The following MRPL37 variants were observed in gnomAD, a reference collection of about 807,000 sequenced individuals.
The protein encoded by MRPL37 is mitochondrial ribosomal protein L37, also known as large ribosomal subunit protein mL37.
MRPL37 carries 34 observed loss-of-function variants against 44.1 expected under a neutral mutation model. The observed-to-expected ratio is 0.77, with a 90% CI of 0.59 to 1.03. The LOEUF (loss-of-function observed/expected upper bound fraction) is 1.03, where lower values mean the gene tolerates loss of function less well. MRPL37 is among the 50% of genes least tolerant of loss of function. The pLI is 0.00. For missense variants in MRPL37, 532 were observed against 543.7 expected (o/e 0.98, Z 0.21); for synonymous variants, 212 against 219.5 (o/e 0.97, Z 0.30).
Position 54,200,589 on chromosome 1 carries a change from G to A in MRPL37, c.346G>A (p.Gly116Ser), listed in dbSNP as rs775237303. 1.3e-6 allele frequency: 2 copies of A among 1,590,638 alleles called. No homozygotes were observed. Among genetic ancestry groups the A allele is most frequent in the Non-Finnish European group, 1.7e-6 (2 of 1,163,918 alleles). ...IFHHRCRLLE[G>S]VKQALWLTKT... is the part of the protein sequence containing the mutation. ...TCACCACCGTTGCCGCCTTCTCGAGGGTGAGGCCCCAGGACGGGCGGCAAG... is the reference window on the plus strand; with the variant it reads ...TCACCACCGTTGCCGCCTTCTCGAGAGTGAGGCCCCAGGACGGGCGGCAAG... Residue 116 changes from glycine to serine, a missense_variant and splice_region_variant, in exon 1 of 7, where the codon GGT (glycine) becomes AGT (serine). Physicochemically the swap from Gly to Ser is moderately conservative, Grantham distance 56. Coordinates refer to ENST00000360840, the MANE Select transcript of MRPL37 (RefSeq NM_016491.4).
intron 5 of MRPL37, among the ~76,000 whole-genome samples, chr1:54,213,723 C>G (rs1461225662): frequency 2.0e-5 from 3 of 152,208 alleles, no homozygotes; most frequent in Non-Finnish European, 4.4e-5. Flanking sequence ...AACAAGCCCC[C>G]CAGTTATGCT....
In MRPL37 at chr1:54,205,125, G is replaced by A. The variant is rs112294124; in HGVS notation, c.454G>A (p.Glu152Lys). ...DPRNHIENQD[E>K]CVLNVISHAR... ...AAGGAACCACATAGAGAACCAAGAC[G>A]AGTGCGTTCTGAATGTGATCTCTCA... is the stretch of plus-strand genomic sequence containing the variant. The change falls in exon 2 of 7, where the codon GAG becomes AAG. Residue 152 changes from glutamate (E) to lysine (K), a missense_variant. Transcript: ENST00000360840. 11 of 1,613,900 alleles carry A rather than the reference G, an allele frequency of 6.8e-6. No individual in the cohort carries two copies. The highest frequency in any genetic ancestry group is 2.2e-5 in the East Asian group (1 of 44,886).
At chr1:54,211,415 A>T (rs1246490529) in intron 4 of MRPL37, among the ~76,000 whole-genome samples, 1 of 152,108 alleles carries the variant, frequency 6.6e-6, no homozygotes, top group Admixed American at 6.5e-5. Context: ...ATACCTGAGC[A>T]GGCTGAAGGA....
chr1:54,215,989 A>C, intron 5 of MRPL37, 152 bp from the exon 6 acceptor site: 1 of 821,682 alleles, frequency 1.2e-6, no homozygotes, highest in Middle Eastern at 3.6e-4. Flanking sequence ...AGTGCCCTGA[A>C]CTCCTCATTC....
At chr1:54,202,780 T>C (rs1428003239) in intron 1 of MRPL37, among the ~76,000 whole-genome samples, 1 of 152,254 alleles carries the variant, frequency 6.6e-6, no homozygotes, top group Non-Finnish European at 1.5e-5. Context: ...TATGAGCCAC[T>C]GTGTCTGGCC....
intron 3 of MRPL37, among the ~76,000 whole-genome samples, chr1:54,206,615 G>T: frequency 6.6e-6 from 1 of 151,902 alleles, no homozygotes; most frequent in East Asian, 1.9e-4. Flanking sequence ...TCACCATGTT[G>T]GCCAGGCTGG....
intron 4 of MRPL37, among the ~76,000 whole-genome samples, chr1:54,211,974 G>C (rs769980678): frequency 1.3e-5 from 2 of 152,158 alleles, no homozygotes; most frequent in African/African-American, 4.8e-5. Context: ...GTGTTGTGTG[G>C]GTCAGTTGTG....
At chr1:54,221,576 G>A (rs975186792), downstream of MRPL37, among the ~76,000 whole-genome samples, 1 of 152,176 alleles carries the variant, frequency 6.6e-6, no homozygotes, top group African/African-American at 2.4e-5. Flanking sequence ...AGAGCAACAT[G>A]GCCCCTGCCA....
chr1:54,202,707 T>C (rs1262618064), intron 1 of MRPL37, among the ~76,000 whole-genome samples: 3 of 152,174 alleles, frequency 2.0e-5, no homozygotes, highest in African/African-American at 7.2e-5. Flanking sequence ...TTACACCACA[T>C]TGGCCAGGCT....
intron 1 of MRPL37, among the ~76,000 whole-genome samples, chr1:54,200,963 G>T (rs1644076510): frequency 6.6e-6 from 1 of 152,182 alleles, no homozygotes; most frequent in Non-Finnish European, 1.5e-5. Context: ...GAGATTAACT[G>T]TATATTTTAA....
At chr1:54,201,281 A>G (rs1172302682) in intron 1 of MRPL37, among the ~76,000 whole-genome samples, 1 of 152,226 alleles carries the variant, frequency 6.6e-6, no homozygotes, top group African/African-American at 2.4e-5. Context: ...AGGGGGGAAA[A>G]AAAAGGCAAA....
At chr1:54,201,894 T>G (rs1644086673) in intron 1 of MRPL37, among the ~76,000 whole-genome samples, 1 of 152,162 alleles carries the variant, frequency 6.6e-6, no homozygotes, top group African/African-American at 2.4e-5. Flanking sequence ...AGTCTTAATA[T>G]TTTATCTATT....
downstream of MRPL37, among the ~76,000 whole-genome samples, chr1:54,220,052 G>C (rs1410787605): frequency 6.6e-6 from 1 of 152,042 alleles, no homozygotes; most frequent in Non-Finnish European, 1.5e-5. Flanking sequence ...TGGAATTGCT[G>C]AGTCAAACGT....
downstream of MRPL37, among the ~76,000 whole-genome samples, chr1:54,224,173 C>A (rs578100271): frequency 2.2e-4 from 32 of 148,028 alleles, no homozygotes; most frequent in African/African-American, 7.9e-4. Context: ...TGGGTCAGCA[C>A]CATTGATACA....
chr1:54,205,090 T>A lies in MRPL37; in HGVS notation c.419T>A (p.Val140Asp), dbSNP rs1644111512. 26 of 1,614,122 alleles carry A rather than the reference T, an allele frequency of 1.6e-5. No individual in the cohort carries two copies. Among genetic ancestry groups the A allele is most frequent in the Non-Finnish European group, 2.2e-5 (26 of 1,180,024 alleles). ...CTTCCCGAGAAAGTGCTTAGCCTTG[T>A]TGATGATCCAAGGAACCACATAGAG... ...EGLPEKVLSL[V>D]DDPRNHIENQ... Residue 140 changes from valine to aspartate, a missense_variant, in exon 2 of 7, where the codon GTT becomes GAT. Transcript: ENST00000360840.
intron 6 of MRPL37, among the ~76,000 whole-genome samples, chr1:54,217,903 C>T (rs1392166487): frequency 1.3e-5 from 2 of 152,136 alleles, no homozygotes; most frequent in Non-Finnish European, 2.9e-5. Flanking sequence ...GGGCAGCAGC[C>T]CATTTCAACC....
intron 3 of MRPL37, among the ~76,000 whole-genome samples, chr1:54,206,111 T>TTTA (rs1447375117): frequency 3.1e-4 from 46 of 148,392 alleles, no homozygotes; most frequent in African/African-American, 1.2e-3. Context: ...TATTTATTTA[T>TTTA]TTTATTTATT....
intron 6 of MRPL37, among the ~76,000 whole-genome samples, chr1:54,216,758 C>A (rs745703052): frequency 1.3e-5 from 2 of 152,190 alleles, no homozygotes; most frequent in Non-Finnish European, 2.9e-5. Flanking sequence ...CCACCACCGT[C>A]CCCATCCCAA....
At chr1:54,205,480 A>T (rs1345519050) in intron 3 of MRPL37, 70 bp downstream of exon 3, 2 of 1,279,170 alleles carry the variant, frequency 1.6e-6, no homozygotes, top group Non-Finnish European at 1.1e-6. Context: ...CCCCACCACC[A>T]GCTCCCATCC....
Sources: allele counts gnomAD v4.1 joint callset (sites outside exome capture counted in the v4.1 genomes callset), GRCh38; gene constraint gnomAD v4.1.1; transcripts MANE v1.5; gene names NCBI Gene and HGNC (gene_info 2026-07-23, HGNC 2026-07-21).